EFR3A: variants seen among roughly 807,000 people sequenced by gnomAD.
EFR3A encodes protein EFR3 homolog A.
A neutral mutation model predicts 104.4 loss-of-function variants in EFR3A; 76 were observed. That is an observed-to-expected ratio of 0.73 (90% CI 0.60 to 0.88). The LOEUF (loss-of-function observed/expected upper bound fraction) is 0.88, where lower values mean the gene tolerates loss of function less well. Among genes scored for constraint, EFR3A ranks in the 40% least tolerant of loss-of-function variants. The probability of loss-of-function intolerance (pLI) is 0.00; values close to 1 mark genes in which losing one functional copy is unlikely to be tolerated. For synonymous variants in EFR3A, 330 were observed against 330.0 expected (o/e 1.00, Z 0.00); for missense variants, 985 against 1,012.5 (o/e 0.97, Z 0.37).
At chr8:131,924,911 G>A (rs1817227612) in intron 1 of EFR3A, among the ~76,000 whole-genome samples, 1 of 151,986 alleles carries the variant, frequency 6.6e-6, no homozygotes, top group Admixed American at 6.6e-5. Flanking sequence ...TTTCAAGCAT[G>A]TAAGTTCTTG....
chr8:132,001,464 G>C, intron 19 of EFR3A, among the ~76,000 whole-genome samples: 1 of 152,146 alleles, frequency 6.6e-6, no homozygotes, highest in South Asian at 2.1e-4. Flanking sequence ...TCACAGTACT[G>C]GGACTGAGTT....
chr8:131,929,604 T>C (rs544638023), intron 1 of EFR3A, among the ~76,000 whole-genome samples: 27 of 152,308 alleles, frequency 1.8e-4, no homozygotes, highest in Middle Eastern at 3.4e-3. Context: ...GACTACGAGC[T>C]ACTAAATGGC....
intron 19 of EFR3A, among the ~76,000 whole-genome samples, chr8:131,996,801 C>T (rs182061531): frequency 6.6e-6 from 1 of 152,028 alleles, no homozygotes; most frequent in East Asian, 1.9e-4. Flanking sequence ...TGCTAAGAAA[C>T]TTTATACAAA....
In EFR3A at chr8:131,920,367, T is replaced by C. The variant is rs143828691; in HGVS notation, c.10+16045T>C. On this transcript the variant is annotated intron_variant, in intron 1 of 22. Coordinates refer to ENST00000254624, the MANE Select transcript of EFR3A (RefSeq NM_015137.6). ...GTAGCTCTTGCTTGTGGTCTTGGTA[T>C]GCAGGGAGTTTACCAGGAACTTCTT... is the stretch of plus-strand genomic sequence containing the variant. 6.6e-3 allele frequency among the ~76,000 whole-genome samples: 1,012 copies of C among 152,328 alleles called. 5 individuals are homozygous for C. The highest frequency in any genetic ancestry group is 0.011 in the Non-Finnish European group (747 of 68,022).
At chr8:131,987,827 A>C in intron 18 of EFR3A, 125 bp downstream of exon 18, 1 of 1,024,174 alleles carries the variant, frequency 9.8e-7, no homozygotes, top group Non-Finnish European at 1.4e-6. Context: ...AGCCATTTTC[A>C]AATGCTTAAG....
chr8:131,980,089 A>G lies in EFR3A; in HGVS notation c.1575+668A>G, dbSNP rs549274976. Among the ~76,000 whole-genome samples the G allele has an allele frequency of 4.7e-4, 71 of 152,288 alleles. 1 individual carries two copies. The highest frequency in any genetic ancestry group is 3.4e-3 in the Middle Eastern group (1 of 294). ...GAGATACGATAACCATGACACTGCC[A>G]GCTGCCCTTATAACGAACACAGTAT... On this transcript the variant is annotated intron_variant, in intron 14 of 22. Coordinates refer to ENST00000254624, the MANE Select transcript of EFR3A (RefSeq NM_015137.6).
At chr8:131,955,445 C>A (rs10091182) in intron 6 of EFR3A, among the ~76,000 whole-genome samples, 1 of 151,914 alleles carries the variant, frequency 6.6e-6, no homozygotes, top group East Asian at 1.9e-4. Flanking sequence ...GGTCTCTGGG[C>A]CCTGTGTTCT....
chr8:132,005,939 A>G (rs117599495), intron 22 of EFR3A, among the ~76,000 whole-genome samples: 2,203 of 152,340 alleles, frequency 0.014, 32 homozygotes, highest in Middle Eastern at 0.034. Context: ...TGCCACAAAA[A>G]AAAGTATAAT....
intron 1 of EFR3A, chr8:131,940,268 G>A: frequency 2.1e-6 from 1 of 485,978 alleles, no homozygotes; most frequent in Non-Finnish European, 3.7e-6. Flanking sequence ...GAATTTGGCG[G>A]GATGTGTATG....
At chr8:131,919,574 C>CGACA (rs1471681641) in intron 1 of EFR3A, among the ~76,000 whole-genome samples, 2 of 129,868 alleles carry the variant, frequency 1.5e-5, no homozygotes, top group African/African-American at 6.0e-5. Context: ...CCAGCCTGGG[C>CGACA]GACAGAGCAA....
intron 1 of EFR3A, among the ~76,000 whole-genome samples, chr8:131,913,006 G>C (rs1036415386): frequency 6.6e-6 from 1 of 150,428 alleles, no homozygotes; most frequent in Non-Finnish European, 1.5e-5. Context: ...TTTTTGAAAG[G>C]AGGAGGAGGA....
intron 4 of EFR3A, among the ~76,000 whole-genome samples, chr8:131,947,522 C>T (rs1474351649): frequency 6.7e-6 from 1 of 150,046 alleles, no homozygotes; most frequent in East Asian, 1.9e-4. Context: ...TGATGAAGTC[C>T]AGTTCCTTTT....
In EFR3A at chr8:131,916,921, G is replaced by A. The variant is rs768753009; in HGVS notation, c.10+12599G>A. Among the ~76,000 whole-genome samples, 9 of 152,168 alleles carry A rather than the reference G, an allele frequency of 5.9e-5. No individual in the cohort carries two copies. The South Asian group carries it at 1.4e-3, about 25-fold the overall frequency. ...CAGCCGTGGCAGTTCTGTCCTATAC[G>A]TCTGGCCTAAACTGTCTTTTCACAG... On this transcript the variant is annotated intron_variant, in intron 1 of 22. Transcript: ENST00000254624.
intron 1 of EFR3A, among the ~76,000 whole-genome samples, chr8:131,935,716 AACTT>A (rs747622865): frequency 3.9e-5 from 6 of 152,110 alleles, no homozygotes; most frequent in Non-Finnish European, 8.8e-5. Flanking sequence ...CAGTGTTACT[AACTT>A]AGTATTTTTG....
At chr8:131,975,937 C>A in intron 10 of EFR3A, 90 bp from the exon 11 acceptor site, 1 of 712,194 alleles carries the variant, frequency 1.4e-6, no homozygotes. Flanking sequence ...TGTTTTACCA[C>A]ATATTGAAAA....
chr8:131,981,060 T>C (rs1276297491), intron 14 of EFR3A, among the ~76,000 whole-genome samples: 1 of 150,940 alleles, frequency 6.6e-6, no homozygotes, highest in Non-Finnish European at 1.5e-5. Flanking sequence ...CACTACATTT[T>C]CTTTATCCAT....
intron 1 of EFR3A, among the ~76,000 whole-genome samples, chr8:131,918,613 G>A (rs889744822): frequency 2.0e-5 from 3 of 152,018 alleles, no homozygotes; most frequent in African/African-American, 7.2e-5. Context: ...TGTCTTTTCA[G>A]TTACTGTTTA....
At position 132,005,409 on chromosome 8, in the gene EFR3A, C is replaced by T. The variant is rs566483927; in HGVS notation, c.2360+2124C>T. ...CACTGTTCTTTCATTTACATTTTAA[C>T]CATACCTGAGTATGGTTAAAAAAAA... On this transcript the variant is annotated intron_variant, in intron 22 of 22. Transcript: ENST00000254624. 2.6e-5 allele frequency among the ~76,000 whole-genome samples: 4 copies of T among 151,794 alleles called. No homozygotes were observed. In the South Asian group the frequency reaches 8.3e-4, roughly 32 times the overall value.
At chr8:131,957,314 T>C (rs930609946) in intron 7 of EFR3A, among the ~76,000 whole-genome samples, 2 of 151,056 alleles carry the variant, frequency 1.3e-5, no homozygotes, top group African/African-American at 4.9e-5. Context: ...TCAAAACAAA[T>C]AATTCATGTC....
Sources: allele counts gnomAD v4.1 joint callset (sites outside exome capture counted in the v4.1 genomes callset), GRCh38; gene constraint gnomAD v4.1.1; transcripts MANE v1.5; gene names NCBI Gene and HGNC (gene_info 2026-07-23, HGNC 2026-07-21).